Variants in MRPS33 observed in about 807,000 individuals in gnomAD.
The protein encoded by MRPS33 is mitochondrial ribosomal protein S33.
In MRPS33, 11 loss-of-function variants were observed where a neutral mutation model predicts 11.2. The observed-to-expected ratio is 0.99, with a 90% CI of 0.62 to 1.63. MRPS33 has a LOEUF of 1.63. MRPS33 is among the 40% of genes most tolerant of loss of function. The pLI is 0.00. For missense variants in MRPS33, 109 were observed against 127.8 expected (o/e 0.85, Z 0.71); for synonymous variants, 46 against 44.0 (o/e 1.05, Z -0.18).
At position 141,006,108 on chromosome 7, in the gene MRPS33, A is replaced by C. The variant is rs1820518003; in HGVS notation, c.*322T>G. The C allele has an allele frequency of 9.1e-6, 3 of 330,000 alleles. No individual in the cohort carries two copies. Among genetic ancestry groups the C allele is most frequent in the Non-Finnish European group, 1.7e-5 (3 of 176,784 alleles). 20.4% of individuals were successfully genotyped at this position (330,000 alleles called of 1,614,324 possible). A position where few individuals can be genotyped will look rare whatever the true frequency, so the allele number is the denominator to read the frequency against. ...TGAGGACACTATAGGATGCTCACTT[A>C]ATGAGGTTTCCCCTCCATTCCCCCA... On this transcript the variant is annotated 3_prime_UTR_variant, in exon 3 of 3. Transcript: ENST00000324787.
At chr7:141,007,019 A>G (rs903853003) in intron 2 of MRPS33, among the ~76,000 whole-genome samples, 5 of 152,216 alleles carry the variant, frequency 3.3e-5, no homozygotes, top group Non-Finnish European at 5.9e-5. Context: ...TAACTCACAC[A>G]AAAAGGCTGC....
At position 141,003,359 on chromosome 7, in the gene MRPS33, T is replaced by C. The variant is rs1820450261; in HGVS notation, c.*3071A>G. On this transcript the variant is annotated 3_prime_UTR_variant, in exon 3 of 3. Transcript: ENST00000324787. ...TTAACTTTTCCTTATCTTCTATTGA[T>C]ACCTTCCAGCTGGTCCATCGTACTT... The C allele has an allele frequency of 3.3e-5, 5 of 152,264 alleles. No individual in the cohort carries two copies. The South Asian group carries it at 1.0e-3, about 31-fold the overall frequency. The allele number at this position is 152,264 out of a possible 1,614,324, so 9.4% of individuals were successfully genotyped here.
intron 1 of MRPS33, among the ~76,000 whole-genome samples, chr7:141,013,258 A>G (rs762066983): frequency 6.6e-6 from 1 of 152,222 alleles, no homozygotes; most frequent in Non-Finnish European, 1.5e-5. Context: ...TGAAGCCATC[A>G]CAGGATGCTG....
intron 1 of MRPS33, among the ~76,000 whole-genome samples, chr7:141,013,911 A>C (rs1820738619): frequency 6.6e-6 from 1 of 152,242 alleles, no homozygotes; most frequent in African/African-American, 2.4e-5. Flanking sequence ...GGTAAAGATG[A>C]AGTGCAAGAG....
In MRPS33 at chr7:141,003,363, T is replaced by C. The variant is rs1225599536; in HGVS notation, c.*3067A>G. The C allele has an allele frequency of 6.6e-6, 1 of 152,276 alleles. No homozygotes were observed. The highest frequency in any genetic ancestry group is 1.5e-5 in the Non-Finnish European group (1 of 68,054). The allele number at this position is 152,276 out of a possible 1,614,324, so 9.4% of individuals were successfully genotyped here. On this transcript the variant is annotated 3_prime_UTR_variant, in exon 3 of 3. Transcript: ENST00000324787. ...CTTTTCCTTATCTTCTATTGATACCTTCCAGCTGGTCCATCGTACTTCTGT... is the reference window on the plus strand; with the variant it reads ...CTTTTCCTTATCTTCTATTGATACCCTCCAGCTGGTCCATCGTACTTCTGT...
At chr7:141,006,637 C>A in intron 2 of MRPS33, 102 bp from the exon 3 acceptor site, 3 of 993,626 alleles carry the variant, frequency 3.0e-6, no homozygotes, top group Non-Finnish European at 3.1e-6. Context: ...GGTTATCGAT[C>A]TTTGACTTTT....
intron 2 of MRPS33, among the ~76,000 whole-genome samples, chr7:141,007,187 G>C (rs1275088887): frequency 6.6e-6 from 1 of 152,148 alleles, no homozygotes; most frequent in Middle Eastern, 3.2e-3. Flanking sequence ...CCTAAAGATT[G>C]GTATGGTGTT....
chr7:141,011,255 G>C (rs542524181), intron 1 of MRPS33, among the ~76,000 whole-genome samples: 23 of 152,302 alleles, frequency 1.5e-4, no homozygotes, highest in African/African-American at 5.5e-4. Context: ...GGGAAAAACA[G>C]ACAGTAGCCC....
Position 141,006,233 on chromosome 7 carries a change from T to A in MRPS33, c.*197A>T, listed in dbSNP as rs1820521782. On this transcript the variant is annotated 3_prime_UTR_variant, in exon 3 of 3. Coordinates refer to ENST00000324787, the MANE Select transcript of MRPS33 (RefSeq NM_053035.3). The stretch of plus-strand genomic sequence containing the variant: ...TCACATTACACGGCCAAGGCCAAGA[T>A]AATTTTGCACAGTTAGAATGTGTTC... 1 of 583,174 alleles carries A rather than the reference T, an allele frequency of 1.7e-6. No homozygotes were observed. Among genetic ancestry groups the A allele is most frequent in the South Asian group, 2.2e-5 (1 of 45,636 alleles). The allele number at this position is 583,174 out of a possible 1,614,324, so 36.1% of individuals were successfully genotyped here. A position where few individuals can be genotyped will look rare whatever the true frequency, so the allele number is the denominator to read the frequency against.
At chr7:141,013,166 G>C (rs1016941427) in intron 1 of MRPS33, among the ~76,000 whole-genome samples, 2 of 152,098 alleles carry the variant, frequency 1.3e-5, no homozygotes, top group Non-Finnish European at 2.9e-5. Flanking sequence ...GACAGCCAGA[G>C]AAACATAGGG....
rs749524834 is a variant in MRPS33, at chr7:141,010,474, T to C, written c.160A>G (p.Asn54Asp). Residue 54 changes from asparagine (N) to aspartate (D), a missense_variant, in exon 2 of 3, where the codon AAT (asparagine) becomes GAT (aspartate). Physicochemically the swap from Asn to Asp is conservative, Grantham distance 23. Coordinates refer to ENST00000324787, the MANE Select transcript of MRPS33 (RefSeq NM_053035.3). ...KKKETYDWYP[N>D]HHTYAELMQT... is the part of the protein sequence containing the mutation. ...ATGAGTTCAGCGTAAGTGTGGTGAT[T>C]TGGATACCAATCATAAGTCTCCTTC... The C allele has an allele frequency of 3.7e-6, 6 of 1,614,162 alleles. 1 individual carries two copies. The South Asian group carries it at 6.6e-5, about 18-fold the overall frequency.
rs751426473 is a variant in MRPS33, at chr7:141,003,916, G to A, written c.*2514C>T. 6.6e-6 allele frequency: 1 copy of A among 152,220 alleles called. No homozygotes were observed. Among genetic ancestry groups the A allele is most frequent in the Admixed American group, 6.5e-5 (1 of 15,282 alleles). 9.4% of individuals were successfully genotyped at this position (152,220 alleles called of 1,614,324 possible). On this transcript the variant is annotated 3_prime_UTR_variant, in exon 3 of 3. Transcript: ENST00000324787. ...TGCCAATACTTTGTAATACACACAT[G>A]CTCATTCACACAGTCTTAGGGACTA...
Position 141,010,643 on chromosome 7 carries a change from G to A in MRPS33, c.-10C>T, listed in dbSNP as rs377300025. 2 of 1,611,484 alleles carry A rather than the reference G, an allele frequency of 1.2e-6. No individual in the cohort carries two copies. Among genetic ancestry groups the A allele is most frequent in the Non-Finnish European group, 1.7e-6 (2 of 1,177,828 alleles). ...CTGAAAGGGAGGACATTTCTTGAGTGGCAAGGAGTTAGAGTTCCTATTGAA... is the reference window on the plus strand; with the variant it reads ...CTGAAAGGGAGGACATTTCTTGAGTAGCAAGGAGTTAGAGTTCCTATTGAA... On this transcript the variant is annotated 5_prime_UTR_variant, in exon 2 of 3. Coordinates refer to ENST00000324787, the MANE Select transcript of MRPS33 (RefSeq NM_053035.3).
chr7:141,010,547 C>T lies in MRPS33; in HGVS notation c.87G>A (p.Lys29=). 2 of 1,614,182 alleles carry T rather than the reference C, an allele frequency of 1.2e-6. No individual in the cohort carries two copies. Among genetic ancestry groups the T allele is most frequent in the African/African-American group, 1.3e-5 (1 of 75,044 alleles). Residue 29 remains lysine, a synonymous_variant, in exon 2 of 3, where the codon AAG becomes AAA. Transcript: ENST00000324787. ...TAAACAGTTTCACCACTTTCATAGA[C>T]TTGGAATTAGTAGGCCTGGTGACTT... The part of the protein sequence containing the change: ...FGEVTRPTNS[K]SMKVVKLFSE...
chr7:141,010,357 TTTCC>T, intron 2 of MRPS33, 58 bp downstream of exon 2: 2 of 1,529,504 alleles, frequency 1.3e-6, no homozygotes, highest in Non-Finnish European at 1.8e-6. Flanking sequence ...GGCTAATTTT[TTTCC>T]TTTTCTGATC....
chr7:141,011,409 A>G (rs924621652), intron 1 of MRPS33, among the ~76,000 whole-genome samples: 2 of 152,242 alleles, frequency 1.3e-5, no homozygotes, highest in East Asian at 3.8e-4. Flanking sequence ...AGCTGGAAAC[A>G]GTAGCTTTTT....
At position 141,010,605 on chromosome 7, in the gene MRPS33, C is replaced by T. The variant is rs570080603; in HGVS notation, c.29G>A (p.Arg10His). The T allele has an allele frequency of 1.5e-5, 24 of 1,613,982 alleles. No individual in the cohort carries two copies. Among genetic ancestry groups the T allele is most frequent in the South Asian group, 1.2e-4 (11 of 91,086 alleles). ...TAGCCGGGCACTGAGACGAGACATG[C>T]GGAAGGCATATTCTGAAAGGGAGGA... MSSLSEYAF[R>H]MSRLSARLFG... Residue 10 changes from arginine (R) to histidine (H), a missense_variant, in exon 2 of 3, where the codon CGC becomes CAC. Physicochemically the swap from Arg to His is conservative, Grantham distance 29 (BLOSUM62 0). Transcript: ENST00000324787.
At chr7:141,009,699 G>A (rs1010721484) in intron 2 of MRPS33, 2 of 151,996 alleles carry the variant, frequency 1.3e-5, no homozygotes, top group African/African-American at 2.4e-5. Flanking sequence ...ATCAGGTGTC[G>A]GTCAGGGACT....
Position 141,003,091 on chromosome 7 carries a change from T to C in MRPS33, c.*3339A>G, listed in dbSNP as rs1046017377. The C allele has an allele frequency of 1.3e-5, 2 of 152,232 alleles. No homozygotes were observed. Among genetic ancestry groups the C allele is most frequent in the Non-Finnish European group, 2.9e-5 (2 of 68,074 alleles). 9.4% of individuals were successfully genotyped at this position (152,232 alleles called of 1,614,324 possible). On this transcript the variant is annotated 3_prime_UTR_variant, in exon 3 of 3. Transcript: ENST00000324787. ...ACACTGTATCACAAACCCATGACTT[T>C]TGAATCTAAAACCCAGTCTTTTTAC...
Sources: gnomAD v4.1 joint callset for allele counts (sites outside exome capture counted in the v4.1 genomes callset) on GRCh38, gnomAD v4.1.1 for gene constraint, MANE v1.5 for transcripts, NCBI Gene and HGNC (gene_info 2026-07-23, HGNC 2026-07-21) for gene names.